The following ZNF230 variants were observed in gnomAD, a reference collection of about 807,000 sequenced individuals.
ZNF230 encodes the protein zinc finger protein FDZF2.
ZNF230 carries 12 observed loss-of-function variants against 10.0 expected under a neutral mutation model. The observed-to-expected ratio is 1.20, with a 90% CI of 0.77 to 1.95. The LOEUF is 1.95. Among genes scored for constraint, ZNF230 ranks in the 30% most tolerant of loss-of-function variants. The pLI is 0.00. For synonymous variants in ZNF230, 174 were observed against 193.6 expected (o/e 0.90, Z 0.84); for missense variants, 532 against 565.8 (o/e 0.94, Z 0.61).
Position 44,010,859 on chromosome 19 carries a change from C to G in ZNF230, c.820C>G (p.His274Asp), listed in dbSNP as rs776625713. Reference protein sequence around the residue: ...DFQLQKHQIIHTGEKPFKCEI... With the variant: ...DFQLQKHQIIDTGEKPFKCEI... ...CCAGCTTCAGAAACATCAGATAATTCATACTGGGGAGAAGCCGTTCAAATG... is the reference window on the plus strand; with the variant it reads ...CCAGCTTCAGAAACATCAGATAATTGATACTGGGGAGAAGCCGTTCAAATG... Residue 274 changes from histidine (H) to aspartate (D), a missense_variant, in exon 5 of 5, where the codon CAT becomes GAT. Physicochemically the swap from His to Asp is moderately conservative, Grantham distance 81. Coordinates refer to ENST00000429154, the MANE Select transcript of ZNF230 (RefSeq NM_006300.4). 4.3e-6 allele frequency: 7 copies of G among 1,614,212 alleles called. No individual in the cohort carries two copies. In the Admixed American group the frequency reaches 1.2e-4, roughly 27 times the overall value.
intron 2 of ZNF230, among the ~76,000 whole-genome samples, chr19:44,007,700 A>G (rs1976136174): frequency 6.6e-6 from 1 of 152,108 alleles, no homozygotes; most frequent in Admixed American, 6.5e-5. Flanking sequence ...GTCTCAATCC[A>G]TGCAGCCAGC....
rs556315400 is a variant in ZNF230 at position 44,013,708 on chromosome 19, T to A, written c.*2244T>A. Reference sequence around the variant, plus strand: ...ATCTTTGTGTGTTTCTGGGACTTTTTAATGTGTATATACGTAATTTGTGAA... The same window carrying A: ...ATCTTTGTGTGTTTCTGGGACTTTTAAATGTGTATATACGTAATTTGTGAA... On this transcript the variant is annotated 3_prime_UTR_variant, in exon 5 of 5. Coordinates refer to ENST00000429154, the MANE Select transcript of ZNF230 (RefSeq NM_006300.4). 1 of 152,344 alleles carries A rather than the reference T, an allele frequency of 6.6e-6. No homozygotes were observed. The highest frequency in any genetic ancestry group is 1.9e-4 in the East Asian group (1 of 5,190). The allele number at this position is 152,344 out of a possible 1,614,324, so 9.4% of individuals were successfully genotyped here. A position where few individuals can be genotyped will look rare whatever the true frequency, so the allele number is the denominator to read the frequency against.
chr19:44,006,311 T>A (rs1976123637), intron 1 of ZNF230, among the ~76,000 whole-genome samples: 1 of 152,214 alleles, frequency 6.6e-6, no homozygotes, highest in African/African-American at 2.4e-5. Context: ...CTCAAGTTTC[T>A]TATTGGAAGG....
Position 44,011,551 on chromosome 19 carries a change from C to G in ZNF230, c.*87C>G, listed in dbSNP as rs1976184334. 7.8e-7 allele frequency: 1 copy of G among 1,274,928 alleles called. No homozygotes were observed. 79.0% of individuals were successfully genotyped at this position (1,274,928 alleles called of 1,614,324 possible). ...CAAATTGATGTAATTAGTGTATTAC[C>G]TTAAACAATTAACATTTCTTTGTTT... On this transcript the variant is annotated 3_prime_UTR_variant, in exon 5 of 5. Coordinates refer to ENST00000429154, the MANE Select transcript of ZNF230 (RefSeq NM_006300.4).
rs35234320 is a variant in ZNF230, at chr19:44,005,121, C to CAA, written c.-68-1878_-68-1877dup. ...TGGGCTAGGGAGCGAGACTCTGTCT[C>CAA]AAAAAAAAAAAAATTAAAAACTAAA... is the stretch of plus-strand genomic sequence containing the variant. On this transcript the variant is annotated intron_variant, in intron 1 of 4. Transcript: ENST00000429154. 5.7e-3 allele frequency among the ~76,000 whole-genome samples: 829 copies of CAA among 145,638 alleles called. 5 individuals carry two copies. Among genetic ancestry groups the CAA allele is most frequent in the African/African-American group, 0.017 (655 of 39,488 alleles).
At position 44,011,341 on chromosome 19, in the gene ZNF230, C is replaced by T; in HGVS notation, c.1302C>T (p.Phe434=). ...DCGKRLVHRS[F]CKDQQGDHNG... ...GAAAGAGGCTTGTACACCGGTCTTT[C>T]TGTAAAGACCAACAAGGAGACCACA... The change falls in exon 5 of 5, where the codon TTC becomes TTT. Residue 434 remains phenylalanine, a synonymous_variant. Coordinates refer to ENST00000429154, the MANE Select transcript of ZNF230 (RefSeq NM_006300.4). 1.2e-6 allele frequency: 2 copies of T among 1,614,018 alleles called. No individual in the cohort carries two copies. Among genetic ancestry groups the T allele is most frequent in the Non-Finnish European group, 8.5e-7 (1 of 1,179,932 alleles).
rs1480609268 is a variant in ZNF230, at chr19:44,011,838, T to G, written c.*374T>G. The G allele has an allele frequency of 1.5e-5, 3 of 202,880 alleles. No homozygotes were observed. The highest frequency in any genetic ancestry group is 1.1e-4 in the Admixed American group (2 of 18,710). 12.6% of individuals were successfully genotyped at this position (202,880 alleles called of 1,614,324 possible). ...GTGTGAGGACAGTTAGTATTTATCTTACCTTGCTTAGCTTATATTGTTTAA... is the reference window on the plus strand; with the variant it reads ...GTGTGAGGACAGTTAGTATTTATCTGACCTTGCTTAGCTTATATTGTTTAA... On this transcript the variant is annotated 3_prime_UTR_variant, in exon 5 of 5. Coordinates refer to ENST00000429154, the MANE Select transcript of ZNF230 (RefSeq NM_006300.4).
At chr19:44,008,639 G>A (rs1976143455) in intron 2 of ZNF230, 151 bp from the exon 3 acceptor site, 1 of 967,300 alleles carries the variant, frequency 1.0e-6, no homozygotes, top group Admixed American at 2.4e-5. Flanking sequence ...CACTTCTGGT[G>A]GAGCTCAGGA....
At chr19:44,008,387 A>G (rs1976141145) in intron 2 of ZNF230, among the ~76,000 whole-genome samples, 1 of 152,210 alleles carries the variant, frequency 6.6e-6, no homozygotes, top group South Asian at 2.1e-4. Context: ...AGTTTGGCAA[A>G]TACTAAAGAA....
chr19:44,012,070 T>G lies in ZNF230; in HGVS notation c.*606T>G. 1 of 226,588 alleles carries G rather than the reference T, an allele frequency of 4.4e-6. No homozygotes were observed. The highest frequency in any genetic ancestry group is 8.8e-6 in the Non-Finnish European group (1 of 113,410). 14.0% of individuals were successfully genotyped at this position (226,588 alleles called of 1,614,324 possible). Reference sequence around the variant, plus strand: ...GTAGATATCTGATCCACATACTGATTTCCTTTGCTTTGGATATACTCAATA... The same window carrying G: ...GTAGATATCTGATCCACATACTGATGTCCTTTGCTTTGGATATACTCAATA... On this transcript the variant is annotated 3_prime_UTR_variant, in exon 5 of 5. Coordinates refer to ENST00000429154, the MANE Select transcript of ZNF230 (RefSeq NM_006300.4).
At position 44,010,864 on chromosome 19, in the gene ZNF230, TG is replaced by T. The variant is rs751618326; in HGVS notation, c.829del (p.Glu277ArgfsTer45). The T allele has an allele frequency of 1.2e-6, 2 of 1,614,188 alleles. No individual in the cohort carries two copies. Among genetic ancestry groups the T allele is most frequent in the Admixed American group, 1.7e-5 (1 of 60,032 alleles). ...QLQKHQIIHTGEKPFKCEICG... is the reference protein window; with the variant it reads ...QLQKHQIIHTXEKPFKCEICG... ...TTCAGAAACATCAGATAATTCATAC[TG>T]GGGAGAAGCCGTTCAAATGTGAAAT... is the stretch of plus-strand genomic sequence containing the variant. On this transcript the variant is annotated frameshift_variant, in exon 5 of 5. Transcript: ENST00000429154. LOFTEE classifies it low-confidence loss of function (END_TRUNC).
At chr19:44,003,710 G>T in intron 1 of ZNF230, 1 of 217,846 alleles carries the variant, frequency 4.6e-6, no homozygotes. Flanking sequence ...AGAGCTGCAG[G>T]GAGGGGACTT....
intron 1 of ZNF230, 133 bp from the exon 2 acceptor site, chr19:44,006,878 T>G: frequency 2.3e-6 from 1 of 434,686 alleles, no homozygotes; most frequent in African/African-American, 2.0e-5. Context: ...AGGAAGGCAT[T>G]TTGGTTGTGC....
intron 4 of ZNF230, among the ~76,000 whole-genome samples, chr19:44,009,858 T>A (rs569182296): frequency 3.9e-5 from 6 of 152,362 alleles, no homozygotes; most frequent in Non-Finnish European, 7.3e-5. Context: ...TTAGGGTAAC[T>A]TCTATATAAG....
At chr19:44,004,128 C>T (rs1276728142) in intron 1 of ZNF230, 1 of 152,156 alleles carries the variant, frequency 6.6e-6, no homozygotes, top group Non-Finnish European at 1.5e-5. Flanking sequence ...TGGGCTTGGA[C>T]GTCTAGGAAT....
intron 2 of ZNF230, 141 bp from the exon 3 acceptor site, chr19:44,008,649 A>G: frequency 1.8e-6 from 2 of 1,093,170 alleles, no homozygotes. Context: ...GGAGCTCAGG[A>G]AAATCACTGT....
In ZNF230 at chr19:44,009,145, A is replaced by G; in HGVS notation, c.204A>G (p.Thr68=). 6.2e-7 allele frequency: 1 copy of G among 1,614,238 alleles called. No homozygotes were observed. Among genetic ancestry groups the G allele is most frequent in the Non-Finnish European group, 8.5e-7 (1 of 1,180,038 alleles). ...AAGAAAAGTTTTGGATGATGGAGACAGCAACCCAAAGAGAAGGAAATTCAG... is the reference window on the plus strand; with the variant it reads ...AAGAAAAGTTTTGGATGATGGAGACGGCAACCCAAAGAGAAGGAAATTCAG... ...LREEKFWMME[T]ATQREGNSGG... is the part of the protein sequence containing the mutation. The change falls in exon 4 of 5, where the codon ACA becomes ACG. Residue 68 remains threonine (T), a synonymous_variant. Coordinates refer to ENST00000429154, the MANE Select transcript of ZNF230 (RefSeq NM_006300.4).
At position 44,012,791 on chromosome 19, in the gene ZNF230, C is replaced by T. The variant is rs183807498; in HGVS notation, c.*1327C>T. On this transcript the variant is annotated 3_prime_UTR_variant, in exon 5 of 5. Transcript: ENST00000429154. ...ATCTACAAAAAATAATTCAGGGACA[C>T]GAGTTAAAATGCAGAATACACTCAG... is the stretch of plus-strand genomic sequence containing the variant. 4.0e-4 allele frequency: 83 copies of T among 208,932 alleles called. No homozygotes were observed. Among genetic ancestry groups the T allele is most frequent in the Non-Finnish European group, 7.7e-5 (8 of 103,228 alleles). 12.9% of individuals were successfully genotyped at this position (208,932 alleles called of 1,614,324 possible).
In ZNF230 at chr19:44,011,259, T is replaced by C; in HGVS notation, c.1220T>C (p.Ile407Thr). The C allele has an allele frequency of 6.2e-7, 1 of 1,614,138 alleles. No individual in the cohort carries two copies. The highest frequency in any genetic ancestry group is 8.5e-7 in the Non-Finnish European group (1 of 1,180,020). The change falls in exon 5 of 5, where the codon ATT (isoleucine) becomes ACT (threonine). Residue 407 changes from isoleucine (I) to threonine (T), a missense_variant. Physicochemically the swap from Ile to Thr is moderately conservative, Grantham distance 89 (BLOSUM62 -1). Transcript: ENST00000429154. ...AAGAGCTTTAGCCGGGCTTCAAGTA[T>C]TTTGAATCATAAGAAACTCCACTGC... ...CGKSFSRASS[I>T]LNHKKLHCRK...
Sources: gnomAD v4.1 joint callset for allele counts (sites outside exome capture counted in the v4.1 genomes callset) on GRCh38, gnomAD v4.1.1 for gene constraint, MANE v1.5 for transcripts, NCBI Gene and HGNC (gene_info 2026-07-23, HGNC 2026-07-21) for gene names.